SDS: variants seen among roughly 807,000 people sequenced by gnomAD.
SDS encodes L-serine dehydratase/L-threonine deaminase.
In SDS, 19 loss-of-function variants were observed where a neutral mutation model predicts 29.3. The ratio of observed to expected loss-of-function variants is 0.65; its 90% CI spans 0.45 to 0.95. The LOEUF (loss-of-function observed/expected upper bound fraction) is 0.95, where lower values mean the gene tolerates loss of function less well. Ranked by LOEUF, SDS falls within the 40% of genes least tolerant of loss-of-function variation. SDS has a pLI of 0.00. For synonymous variants in SDS, 176 were observed against 189.0 expected (o/e 0.93, Z 0.56); for missense variants, 375 against 439.9 (o/e 0.85, Z 1.32).
rs760625654 is a variant in SDS at position 113,393,903 on chromosome 12, T to A, written c.767A>T (p.Glu256Val). Residue 256 changes from glutamate to valine, a missense_variant, in exon 7 of 8, where the codon GAG becomes GTG. Glu to Val is a moderately radical substitution (Grantham distance 121). Transcript: ENST00000257549. ...GACCTGGCACATACCCACGAACTTC[T>A]CAATGGCGGCCACAGCCTCCTGGTC... ...ISDQEAVAAI[E>V]KFVDDEKILV... 3.2e-5 allele frequency: 52 copies of A among 1,614,072 alleles called. No homozygotes were observed. The highest frequency in any genetic ancestry group is 4.3e-5 in the Non-Finnish European group (51 of 1,180,054).
chr12:113,401,071 G>A (rs1050848753), intron 1 of SDS, among the ~76,000 whole-genome samples: 10 of 152,070 alleles, frequency 6.6e-5, no homozygotes, highest in African/African-American at 1.7e-4. Flanking sequence ...CCGAGATCGC[G>A]CCACTGCACT....
Position 113,393,928 on chromosome 12 carries a change from C to G in SDS, c.742G>C (p.Asp248His). 3 of 1,614,118 alleles carry G rather than the reference C, an allele frequency of 1.9e-6. No individual in the cohort carries two copies. The highest frequency in any genetic ancestry group is 2.5e-6 in the Non-Finnish European group (3 of 1,180,018). Residue 248 changes from aspartate (D) to histidine (H), a missense_variant, in exon 7 of 8, where the codon GAC (aspartate) becomes CAC (histidine). Asp to His is a moderately conservative substitution (Grantham distance 81). Coordinates refer to ENST00000257549, the MANE Select transcript of SDS (RefSeq NM_006843.3). Reference sequence around the variant, plus strand: ...TCAATGGCGGCCACAGCCTCCTGGTCCGAGATAACTTCAGAGAAAATGGGG... The same window carrying G: ...TCAATGGCGGCCACAGCCTCCTGGTGCGAGATAACTTCAGAGAAAATGGGG... ...EHPIFSEVISDQEAVAAIEKF... is the reference protein window; with the variant it reads ...EHPIFSEVISHQEAVAAIEKF...
At chr12:113,400,202 A>T (rs1434819711) in intron 1 of SDS, among the ~76,000 whole-genome samples, 2 of 152,158 alleles carry the variant, frequency 1.3e-5, no homozygotes, top group Non-Finnish European at 2.9e-5. Flanking sequence ...CTGAGGCAGG[A>T]GAATCACTTG....
chr12:113,393,749 A>G (rs942372423), intron 7 of SDS, 143 bp downstream of exon 7: 6 of 1,075,982 alleles, frequency 5.6e-6, no homozygotes, highest in Non-Finnish European at 8.1e-6. Context: ...ATTATCTTCT[A>G]TTAATGGAAA....
intron 1 of SDS, among the ~76,000 whole-genome samples, chr12:113,403,195 T>C (rs1013672807): frequency 6.6e-6 from 1 of 152,056 alleles, no homozygotes; most frequent in Non-Finnish European, 1.5e-5. Flanking sequence ...GGCGCAATAA[T>C]TGCTCACTGC....
chr12:113,403,098 G>T (rs1957694496), intron 1 of SDS, among the ~76,000 whole-genome samples: 1 of 152,122 alleles, frequency 6.6e-6, no homozygotes, highest in Admixed American at 6.5e-5. Flanking sequence ...CACAGAACTG[G>T]ACACAAACTC....
chr12:113,395,071 C>G (rs1250358280), intron 6 of SDS, among the ~76,000 whole-genome samples: 4 of 152,200 alleles, frequency 2.6e-5, no homozygotes. Context: ...AAAGGGGAAA[C>G]TGAGGCAGAG....
chr12:113,402,013 C>T (rs1279306732), intron 1 of SDS, among the ~76,000 whole-genome samples: 1 of 152,126 alleles, frequency 6.6e-6, no homozygotes, highest in Non-Finnish European at 1.5e-5. Context: ...ACATCCATCC[C>T]CCGCTCCCAG....
chr12:113,398,674 C>G, intron 4 of SDS, 33 bp downstream of exon 4: 2 of 1,609,206 alleles, frequency 1.2e-6, no homozygotes, highest in Non-Finnish European at 1.7e-6. Flanking sequence ...CACCAGGCGC[C>G]CTCTCTCTTC....
intron 6 of SDS, chr12:113,396,560 T>G (rs1957647525): frequency 1.2e-5 from 1 of 80,054 alleles, no homozygotes. Flanking sequence ...CTTCCTTCCT[T>G]CCTTCCTTCC....
rs1957620535 is a variant in SDS, at chr12:113,393,018, C to G, written c.910G>C (p.Gly304Arg). 2.5e-6 allele frequency: 4 copies of G among 1,614,060 alleles called. No homozygotes were observed. The highest frequency in any genetic ancestry group is 3.3e-5 in the Admixed American group (2 of 59,974). Residue 304 changes from glycine to arginine, a missense_variant, in exon 8 of 8, where the codon GGG becomes CGG. Transcript: ENST00000257549. ...PLPSLVVIVC[G>R]GSNISLAQLR... ...TGGGCCAGGCTGATGTTGCTGCCCC[C>G]GCAGACGATGACCACGAGGGATGGC...
chr12:113,403,751 A>C lies in SDS; in HGVS notation c.-3+17T>G, dbSNP rs1957701006. Reference sequence around the variant, plus strand: ...ACACTCCAGTCCTGAGGTGGGACTGAGGATGGGGCCACTTACCCGGCAAAG... The same window carrying C: ...ACACTCCAGTCCTGAGGTGGGACTGCGGATGGGGCCACTTACCCGGCAAAG... On this transcript the variant is annotated intron_variant, in intron 1 of 7. Transcript: ENST00000257549. 6.6e-6 allele frequency: 1 copy of C among 152,360 alleles called. No homozygotes were observed. The highest frequency in any genetic ancestry group is 2.1e-4 in the South Asian group (1 of 4,832). 9.4% of individuals were successfully genotyped at this position (152,360 alleles called of 1,614,324 possible).
Position 113,398,561 on chromosome 12 carries a change from T to C in SDS, c.379A>G (p.Asn127Asp), listed in dbSNP as rs371032898. 16 of 1,594,706 alleles carry C rather than the reference T, an allele frequency of 1.0e-5. No individual in the cohort carries two copies. The highest frequency in any genetic ancestry group is 1.7e-4 in the Middle Eastern group (1 of 5,986). ...FELAKALAKNNPGWVYIPPFD... is the reference protein window; with the variant it reads ...FELAKALAKNDPGWVYIPPFD... ...GGGGGAATGTAGACCCAACCCGGGT[T>C]GTTCTTCGCTAGGGCCTTGGCCAGC... The change falls in exon 5 of 8, where the codon AAC becomes GAC. Residue 127 changes from asparagine to aspartate, a missense_variant. Asn to Asp is a conservative substitution (Grantham distance 23). Transcript: ENST00000257549.
intron 7 of SDS, 121 bp from the exon 8 acceptor site, chr12:113,393,270 C>T (rs1016301787): frequency 3.1e-6 from 3 of 972,278 alleles, no homozygotes; most frequent in Admixed American, 2.2e-5. Flanking sequence ...TGGCTGCAGC[C>T]GCAGGTCCTG....
At chr12:113,396,433 CTCTT>C (rs1199598416) in intron 6 of SDS, among the ~76,000 whole-genome samples, 11 of 146,384 alleles carry the variant, frequency 7.5e-5, no homozygotes, top group Non-Finnish European at 1.3e-4. Context: ...CTCTTTCTTT[CTCTT>C]TCTTTTTCTT....
chr12:113,392,695 T>A lies in SDS; in HGVS notation c.*246A>T. The A allele has an allele frequency of 2.0e-6, 1 of 503,194 alleles. No individual in the cohort carries two copies. The allele number at this position is 503,194 out of a possible 1,614,324, so 31.2% of individuals were successfully genotyped here. A position where few individuals can be genotyped will look rare whatever the true frequency, so the allele number is the denominator to read the frequency against. ...ACCTGGTGTGTTACTTGTGGGCACT[T>A]GTCACGCCAGCAAGTTGGCTAAGGA... On this transcript the variant is annotated 3_prime_UTR_variant, in exon 8 of 8. Transcript: ENST00000257549.
chr12:113,398,263 G>T (rs1410591629), intron 5 of SDS, among the ~76,000 whole-genome samples: 2 of 152,052 alleles, frequency 1.3e-5, no homozygotes, highest in Admixed American at 1.3e-4. Context: ...TAGAGATGGG[G>T]TTTCCCCATG....
intron 6 of SDS, among the ~76,000 whole-genome samples, chr12:113,394,949 C>A (rs1039282474): frequency 1.3e-5 from 2 of 152,186 alleles, no homozygotes; most frequent in Non-Finnish European, 1.5e-5. Context: ...GTCCTCCCTG[C>A]TAGTAACAAG....
Position 113,403,789 on chromosome 12 carries a change from A to T in SDS, c.-24T>A, listed in dbSNP as rs1455493495. ...TTACCCGGCAAAGGTGATGGGTCTG[A>T]GCAGGAGTCAGAGCCAAGCCAGCGA... On this transcript the variant is annotated 5_prime_UTR_variant, in exon 1 of 8. Coordinates refer to ENST00000257549, the MANE Select transcript of SDS (RefSeq NM_006843.3). 1 of 152,578 alleles carries T rather than the reference A, an allele frequency of 6.6e-6. No homozygotes were observed. The highest frequency in any genetic ancestry group is 1.5e-5 in the Non-Finnish European group (1 of 68,358). The allele number at this position is 152,578 out of a possible 1,614,324, so 9.5% of individuals were successfully genotyped here.
Sources: gnomAD v4.1 joint callset for allele counts (sites outside exome capture counted in the v4.1 genomes callset) on GRCh38, gnomAD v4.1.1 for gene constraint, MANE v1.5 for transcripts, NCBI Gene and HGNC (gene_info 2026-07-23, HGNC 2026-07-21) for gene names.